BLTP1: variants seen among roughly 807,000 people sequenced by gnomAD.
BLTP1 encodes the protein bridge-like lipid transfer protein family member 1, also known as fragile site-associated protein.
the BLTP1 span, chr4:122,197,260 C>T: frequency 6.8e-7 from 1 of 1,474,810 alleles, no homozygotes; most frequent in Non-Finnish European, 9.1e-7. Context: ...ATTCCAATGA[C>T]AGTTGAAGAA....
the BLTP1 span, chr4:122,356,540 A>AT: frequency 7.3e-7 from 1 of 1,377,898 alleles, no homozygotes; most frequent in Middle Eastern, 2.0e-4. Context: ...TTTCATGTGG[A>AT]TGCATTTACA....
chr4:122,263,581 A>G, the BLTP1 span: 1 of 1,608,692 alleles, frequency 6.2e-7, no homozygotes. Context: ...CAAAATCAGG[A>G]CACAATAGTC....
chr4:122,158,270 A>G, the BLTP1 span, among the ~76,000 whole-genome samples: 1 of 152,230 alleles, frequency 6.6e-6, no homozygotes, highest in African/African-American at 2.4e-5. Flanking sequence ...TTATGGTATG[A>G]GGACTAACCC....
chr4:122,278,174 T>C, the BLTP1 span, among the ~76,000 whole-genome samples: 1 of 151,952 alleles, frequency 6.6e-6, no homozygotes, highest in East Asian at 1.9e-4. Flanking sequence ...ATTAAAGATA[T>C]AAAAAAAATA....
At chr4:122,192,750 A>G in the BLTP1 span, among the ~76,000 whole-genome samples, 5 of 152,318 alleles carry the variant, frequency 3.3e-5, no homozygotes, top group South Asian at 4.1e-4. Flanking sequence ...TAAAAGACAT[A>G]TATCTTCCAG....
the BLTP1 span, chr4:122,178,030 A>AT: frequency 1.3e-4 from 97 of 752,250 alleles, no homozygotes; most frequent in Non-Finnish European, 1.5e-4. Context: ...AGAAGAACTC[A>AT]TTTGTATAAA....
the BLTP1 span, chr4:122,289,125 A>C: frequency 1.9e-6 from 3 of 1,609,978 alleles, no homozygotes; most frequent in African/African-American, 4.0e-5. Flanking sequence ...CTGATCTTCT[A>C]AACCACTTGG....
the BLTP1 span, among the ~76,000 whole-genome samples, chr4:122,153,511 C>T: frequency 6.6e-6 from 1 of 152,072 alleles, no homozygotes; most frequent in African/African-American, 2.4e-5. Flanking sequence ...ACAGAATAGA[C>T]CTACAAAGTA....
At chr4:122,233,359 A>G in the BLTP1 span, among the ~76,000 whole-genome samples, 1 of 152,220 alleles carries the variant, frequency 6.6e-6, no homozygotes, top group East Asian at 1.9e-4. Context: ...CATTTTGCAG[A>G]TGAGGAAACT....
chr4:122,317,514 T>G, the BLTP1 span, among the ~76,000 whole-genome samples: 1 of 152,022 alleles, frequency 6.6e-6, no homozygotes, highest in Non-Finnish European at 1.5e-5. Context: ...CTGCTGGATA[T>G]TACTAAGTAA....
the BLTP1 span, chr4:122,292,820 C>A: frequency 5.9e-6 from 1 of 169,142 alleles, no homozygotes; most frequent in Admixed American, 6.5e-5. Flanking sequence ...TAATGGAGGT[C>A]CTCTTGGTAC....
chr4:122,279,213 T>C, the BLTP1 span, among the ~76,000 whole-genome samples: 1 of 152,218 alleles, frequency 6.6e-6, no homozygotes, highest in African/African-American at 2.4e-5. Context: ...GCTGAATCAA[T>C]TGAAGTTGTC....
the BLTP1 span, chr4:122,229,716 A>T: frequency 1.0e-6 from 1 of 963,136 alleles, no homozygotes; most frequent in Non-Finnish European, 1.2e-6. Flanking sequence ...TCTCCTTTTT[A>T]AAAAATTGTC....
At chr4:122,164,948 G>C in the BLTP1 span, among the ~76,000 whole-genome samples, 2 of 152,064 alleles carry the variant, frequency 1.3e-5, no homozygotes, top group Non-Finnish European at 2.9e-5. Flanking sequence ...TGCCAATATA[G>C]AAGAAGGTAT....
the BLTP1 span, among the ~76,000 whole-genome samples, chr4:122,230,671 C>T: frequency 6.6e-6 from 1 of 152,072 alleles, no homozygotes; most frequent in African/African-American, 2.4e-5. Context: ...TTCCTTGGTC[C>T]TTAGGAAATT....
the BLTP1 span, among the ~76,000 whole-genome samples, chr4:122,324,739 G>A: frequency 1.3e-5 from 2 of 151,950 alleles, no homozygotes; most frequent in East Asian, 3.9e-4. Context: ...AATGCGGTAA[G>A]TGCTTTTTAG....
chr4:122,318,487 T>C, the BLTP1 span, among the ~76,000 whole-genome samples: 1 of 152,208 alleles, frequency 6.6e-6, no homozygotes, highest in African/African-American at 2.4e-5. Context: ...ATACAGCTAG[T>C]AATCCTGGGG....
chr4:122,319,756 G>A, the BLTP1 span, among the ~76,000 whole-genome samples: 3 of 151,872 alleles, frequency 2.0e-5, no homozygotes, highest in South Asian at 4.1e-4. Flanking sequence ...GGCCAGGCTG[G>A]TCTTGAATGT....
chr4:122,238,296 A>G, the BLTP1 span: 15 of 1,614,038 alleles, frequency 9.3e-6, no homozygotes, highest in Admixed American at 2.5e-4. Context: ...GCTGATGACC[A>G]TTTGGTTCAA....
Sources: gnomAD v4.1 joint callset for allele counts (sites outside exome capture counted in the v4.1 genomes callset) on GRCh38, gnomAD v4.1.1 for gene constraint, MANE v1.5 for transcripts, NCBI Gene and HGNC (gene_info 2026-07-23, HGNC 2026-07-21) for gene names.